Variants in CNTNAP2 observed in about 807,000 individuals in gnomAD.
The protein encoded by CNTNAP2 is contactin associated protein 2, also known as contactin-associated protein-like 2.
CNTNAP2 carries 98 observed loss-of-function variants against 155.2 expected under a neutral mutation model. The observed-to-expected ratio is 0.63, with a 90% CI of 0.54 to 0.75. CNTNAP2 has a LOEUF of 0.75. Among genes scored for constraint, CNTNAP2 ranks in the 30% least tolerant of loss-of-function variants. The probability of loss-of-function intolerance (pLI) is 0.00; values close to 1 mark genes in which losing one functional copy is unlikely to be tolerated. For synonymous variants in CNTNAP2, 651 were observed against 631.2 expected, an observed-to-expected ratio of 1.03 and a Z score of -0.47; for missense variants, 1,727 against 1,688.1, an observed-to-expected ratio of 1.02 and a Z score of -0.40.
chr7:147,626,989 A>T (rs1159477659), intron 12 of CNTNAP2, among the ~76,000 whole-genome samples: 2 of 152,186 alleles, frequency 1.3e-5, no homozygotes, highest in African/African-American at 2.4e-5. Flanking sequence ...GGATCACATC[A>T]TAGGACTCTG....
At chr7:147,422,018 T>C (rs1285402281) in intron 10 of CNTNAP2, among the ~76,000 whole-genome samples, 7 of 151,520 alleles carry the variant, frequency 4.6e-5, no homozygotes, top group African/African-American at 9.7e-5. Flanking sequence ...CTTTTCTGAA[T>C]AAATTACCAA....
At chr7:147,697,714 C>G (rs1331077086) in intron 13 of CNTNAP2, among the ~76,000 whole-genome samples, 1 of 152,110 alleles carries the variant, frequency 6.6e-6, no homozygotes, top group Non-Finnish European at 1.5e-5. Flanking sequence ...CATTTCCCCT[C>G]CCCTAGGTAA....
intron 3 of CNTNAP2, among the ~76,000 whole-genome samples, chr7:146,932,299 T>C (rs1386688086): frequency 9.9e-5 from 15 of 152,012 alleles, no homozygotes; most frequent in African/African-American, 3.4e-4. Flanking sequence ...AATCAATAAA[T>C]GTAATCCAGC....
At chr7:148,103,377 C>T (rs1238891295) in intron 15 of CNTNAP2, among the ~76,000 whole-genome samples, 1 of 152,124 alleles carries the variant, frequency 6.6e-6, no homozygotes, top group Admixed American at 6.5e-5. Context: ...TTCATTATTC[C>T]AGGCACCACT....
intron 15 of CNTNAP2, among the ~76,000 whole-genome samples, chr7:148,020,435 T>C (rs10275164): frequency 0.38 from 57,752 of 152,122 alleles, 11,696 homozygotes; most frequent in African/African-American, 0.53. Flanking sequence ...ATATATAATA[T>C]GGCAAAATAA....
intron 1 of CNTNAP2, among the ~76,000 whole-genome samples, chr7:146,438,893 A>G (rs1256136911): frequency 6.6e-6 from 1 of 151,566 alleles, no homozygotes; most frequent in Non-Finnish European, 1.5e-5. Context: ...CTTGTTGAAC[A>G]TGGTCTGTCA....
chr7:147,923,786 C>T (rs111954938), intron 14 of CNTNAP2, among the ~76,000 whole-genome samples: 1 of 152,058 alleles, frequency 6.6e-6, no homozygotes, highest in East Asian at 1.9e-4. Flanking sequence ...CTACCTTGGT[C>T]TCCCAAAATA....
intron 15 of CNTNAP2, among the ~76,000 whole-genome samples, chr7:148,103,539 A>G (rs896414317): frequency 6.6e-6 from 1 of 152,176 alleles, no homozygotes; most frequent in Non-Finnish European, 1.5e-5. Flanking sequence ...CTTAATATAG[A>G]CTCATATATG....
Position 147,734,086 on chromosome 7 carries a change from C to T in CNTNAP2, c.2098+94780C>T, listed in dbSNP as rs146829406. Among the ~76,000 whole-genome samples, 192 of 152,292 alleles carry T rather than the reference C, an allele frequency of 1.3e-3. 2 individuals carry two copies. The East Asian group carries it at 0.036, about 28-fold the overall frequency. ...TAGTGGTGAGAGAGGGCATCCTGGT[C>T]TTGTGCCTGTTTTCGAAGGGAATGC... On this transcript the variant is annotated intron_variant, in intron 13 of 23. Coordinates refer to ENST00000361727, the MANE Select transcript of CNTNAP2 (RefSeq NM_014141.6).
At chr7:148,350,386 A>G (rs1798407016) in intron 21 of CNTNAP2, among the ~76,000 whole-genome samples, 1 of 152,234 alleles carries the variant, frequency 6.6e-6, no homozygotes, top group African/African-American at 2.4e-5. Flanking sequence ...TGAGGTTTGC[A>G]GAAAGAAGGG....
chr7:146,603,116 T>G (rs903534929), intron 1 of CNTNAP2, among the ~76,000 whole-genome samples: 5 of 151,294 alleles, frequency 3.3e-5, no homozygotes, highest in African/African-American at 1.2e-4. Flanking sequence ...ACATGTAAAT[T>G]TAAAATATTG....
chr7:146,407,292 G>A (rs1795806130), intron 1 of CNTNAP2, among the ~76,000 whole-genome samples: 1 of 152,138 alleles, frequency 6.6e-6, no homozygotes, highest in Non-Finnish European at 1.5e-5. Context: ...TAAATATGGT[G>A]AAGTAATTAA....
At chr7:147,582,499 T>C (rs1222165024) in intron 12 of CNTNAP2, among the ~76,000 whole-genome samples, 1 of 152,144 alleles carries the variant, frequency 6.6e-6, no homozygotes, top group African/African-American at 2.4e-5. Flanking sequence ...TATGAAACTA[T>C]AGTACTTTAA....
intron 3 of CNTNAP2, among the ~76,000 whole-genome samples, chr7:146,948,839 A>G (rs1406662739): frequency 6.6e-6 from 1 of 152,140 alleles, no homozygotes; most frequent in Admixed American, 6.6e-5. Context: ...TGGGCCTCAT[A>G]TGACTTGTTC....
chr7:148,064,404 T>G (rs1803214925), intron 15 of CNTNAP2, among the ~76,000 whole-genome samples: 1 of 152,012 alleles, frequency 6.6e-6, no homozygotes, highest in African/African-American at 2.4e-5. Context: ...ATGATTTCTT[T>G]CAGTCCTAGC....
intron 13 of CNTNAP2, among the ~76,000 whole-genome samples, chr7:147,900,458 G>A (rs116878373): frequency 0.011 from 1,702 of 152,000 alleles, 88 homozygotes; most frequent in Admixed American, 0.092. Context: ...ACCCTTCTTC[G>A]TCTGCCATGA....
intron 11 of CNTNAP2, among the ~76,000 whole-genome samples, chr7:147,531,665 G>A (rs542744496): frequency 1.3e-5 from 2 of 152,284 alleles, no homozygotes; most frequent in East Asian, 1.9e-4. Context: ...GGCCTGTGAT[G>A]GGAGGGGCTG....
At chr7:147,060,857 C>CT (rs1484378052) in intron 4 of CNTNAP2, among the ~76,000 whole-genome samples, 1 of 141,568 alleles carries the variant, frequency 7.1e-6, no homozygotes, top group East Asian at 2.0e-4. Flanking sequence ...GAGCGAGACT[C>CT]TGTCTCAAAA....
chr7:146,674,673 C>T (rs66514771), intron 1 of CNTNAP2, among the ~76,000 whole-genome samples: 2 of 151,942 alleles, frequency 1.3e-5, no homozygotes, highest in African/African-American at 2.4e-5. Flanking sequence ...CCCAAAGAGG[C>T]AGTTGGACCC....
Sources: gnomAD v4.1 joint callset for allele counts (sites outside exome capture counted in the v4.1 genomes callset) on GRCh38, gnomAD v4.1.1 for gene constraint, MANE v1.5 for transcripts, NCBI Gene and HGNC (gene_info 2026-07-23, HGNC 2026-07-21) for gene names.